The following TCEANC2 variants were observed in gnomAD, a reference collection of about 807,000 sequenced individuals.
TCEANC2 encodes transcription elongation factor A N-terminal and central domain-containing protein 2.
A neutral mutation model predicts 22.8 loss-of-function variants in TCEANC2; 20 were observed. The observed-to-expected ratio is 0.88, with a 90% CI of 0.62 to 1.28. TCEANC2 has a LOEUF of 1.28. TCEANC2 is among the 50% of genes most tolerant of loss of function. The pLI is 0.00. For missense variants in TCEANC2, 251 were observed against 249.7 expected (o/e 1.01, Z -0.03); for synonymous variants, 84 against 95.5 (o/e 0.88, Z 0.70).
intron 3 of TCEANC2, among the ~76,000 whole-genome samples, chr1:54,081,476 C>T (rs1261651118): frequency 6.6e-6 from 1 of 152,086 alleles, no homozygotes; most frequent in Non-Finnish European, 1.5e-5. Flanking sequence ...CAAACTCCTG[C>T]ACTCAAGCGA....
intron 3 of TCEANC2, among the ~76,000 whole-genome samples, chr1:54,070,222 G>A (rs769404788): frequency 6.6e-6 from 1 of 152,136 alleles, no homozygotes; most frequent in African/African-American, 2.4e-5. Flanking sequence ...GCTGGATTTT[G>A]TCTTTATAGG....
intron 2 of TCEANC2, among the ~76,000 whole-genome samples, chr1:54,057,336 A>C (rs1569989796): frequency 1.4e-5 from 2 of 138,242 alleles, no homozygotes; most frequent in African/African-American, 2.7e-5. Flanking sequence ...ACATGCCACC[A>C]CACCTGGCTA....
chr1:54,079,920 G>A (rs886625313), intron 3 of TCEANC2, among the ~76,000 whole-genome samples: 1 of 151,932 alleles, frequency 6.6e-6, no homozygotes. Context: ...TTGAGTTATC[G>A]TTATTATTAT....
chr1:54,079,136 A>T (rs1364850870), intron 3 of TCEANC2, among the ~76,000 whole-genome samples: 2 of 152,100 alleles, frequency 1.3e-5, no homozygotes, highest in Non-Finnish European at 2.9e-5. Context: ...ATATATGAAT[A>T]TTCTGGGAAA....
rs1658651819 is a variant in TCEANC2, at chr1:54,100,871, CAG to C, written c.*4400_*4401del. On this transcript the variant is annotated 3_prime_UTR_variant, in exon 5 of 5. Transcript: ENST00000234827. ...AAGATTTAAAAAACAAAAACAAAAA[CAG>C]ATATTTTAAGAAAATTTTAAACATT... 6.6e-6 allele frequency: 1 copy of C among 151,572 alleles called. No individual in the cohort carries two copies. Among genetic ancestry groups the C allele is most frequent in the East Asian group, 1.9e-4 (1 of 5,196 alleles). The allele number at this position is 151,572 out of a possible 1,614,324, so 9.4% of individuals were successfully genotyped here. A position where few individuals can be genotyped will look rare whatever the true frequency, so the allele number is the denominator to read the frequency against.
At chr1:54,093,432 T>G (rs1658485667) in intron 4 of TCEANC2, among the ~76,000 whole-genome samples, 1 of 152,224 alleles carries the variant, frequency 6.6e-6, no homozygotes, top group South Asian at 2.1e-4. Flanking sequence ...AATCATTTTC[T>G]ATTATGATTT....
At chr1:54,079,920 GTTATTA>G (rs1024686496) in intron 3 of TCEANC2, among the ~76,000 whole-genome samples, 2 of 151,932 alleles carry the variant, frequency 1.3e-5, no homozygotes, top group African/African-American at 4.8e-5. Flanking sequence ...TTGAGTTATC[GTTATTA>G]TTATTATTTT....
chr1:54,064,978 G>A (rs1657923332), intron 2 of TCEANC2, among the ~76,000 whole-genome samples: 1 of 152,186 alleles, frequency 6.6e-6, no homozygotes, highest in Non-Finnish European at 1.5e-5. Context: ...GGGATTACAG[G>A]TGTGAGCCAC....
Position 54,103,022 on chromosome 1 carries a change from A to G in TCEANC2, c.*6549A>G, listed in dbSNP as rs1429284652. On this transcript the variant is annotated 3_prime_UTR_variant, in exon 5 of 5. Coordinates refer to ENST00000234827, the MANE Select transcript of TCEANC2 (RefSeq NM_153035.3). ...GAATAAGATTGGAAAATTGGAAACA[A>G]GGAGACCTGTGGTGGAGGCATGTAG... The G allele has an allele frequency of 6.6e-6, 1 of 152,456 alleles. No homozygotes were observed. Among genetic ancestry groups the G allele is most frequent in the Non-Finnish European group, 1.5e-5 (1 of 68,180 alleles). The allele number at this position is 152,456 out of a possible 1,614,324, so 9.4% of individuals were successfully genotyped here. A position where few individuals can be genotyped will look rare whatever the true frequency, so the allele number is the denominator to read the frequency against.
Position 54,096,293 on chromosome 1 carries a change from C to G in TCEANC2, c.447C>G (p.His149Gln), listed in dbSNP as rs771158515. Reference sequence around the variant, plus strand: ...ATTTTGCTGTTTTTTAGATGGATCACCTACTGGTTGAAAATATTGAACGGG... The same window carrying G: ...ATTTTGCTGTTTTTTAGATGGATCAGCTACTGGTTGAAAATATTGAACGGG... ...LSEALELKMDHLLVENIERET... is the reference protein window; with the variant it reads ...LSEALELKMDQLLVENIERET... Residue 149 changes from histidine to glutamine, a missense_variant, in exon 5 of 5, where the codon CAC (histidine) becomes CAG (glutamine). His to Gln is a conservative substitution (Grantham distance 24). Transcript: ENST00000234827. The surrounding 1 kb of genome is among the most constrained non-coding windows in gnomAD (Gnocchi z 4.9). 1.9e-6 allele frequency: 3 copies of G among 1,593,996 alleles called. No homozygotes were observed. The highest frequency in any genetic ancestry group is 2.6e-6 in the Non-Finnish European group (3 of 1,163,258).
At chr1:54,056,189 T>C (rs1440143172) in intron 2 of TCEANC2, among the ~76,000 whole-genome samples, 1 of 152,158 alleles carries the variant, frequency 6.6e-6, no homozygotes, top group Non-Finnish European at 1.5e-5. Flanking sequence ...TAATTGTACA[T>C]AGCAATGATT....
chr1:54,096,414 G>A lies in TCEANC2; in HGVS notation c.568G>A (p.Ala190Thr). 1.2e-6 allele frequency: 2 copies of A among 1,613,484 alleles called. No homozygotes were observed. Among genetic ancestry groups the A allele is most frequent in the Non-Finnish European group, 8.5e-7 (1 of 1,179,392 alleles). Reference protein sequence around the residue: ...FTLKHRAEIRAQVKSGSLPVG... With the variant: ...FTLKHRAEIRTQVKSGSLPVG... ...ATTAAAGCACCGAGCTGAAATCCGG[G>A]CTCAGGTGAAGAGCGGCTCGCTGCC... The change falls in exon 5 of 5, where the codon GCT becomes ACT. Residue 190 changes from alanine to threonine, a missense_variant. By Grantham distance (58) the Ala-to-Thr change is moderately conservative. Coordinates refer to ENST00000234827, the MANE Select transcript of TCEANC2 (RefSeq NM_153035.3). The surrounding 1 kb of genome is among the most constrained non-coding windows in gnomAD (Gnocchi z 4.9).
rs1280789517 is a variant in TCEANC2, at chr1:54,096,864, C to T, written c.*391C>T. The T allele has an allele frequency of 3.0e-6, 3 of 992,458 alleles. No individual in the cohort carries two copies. Among genetic ancestry groups the T allele is most frequent in the African/African-American group, 3.5e-5 (2 of 57,490 alleles). The allele number at this position is 992,458 out of a possible 1,614,324, so 61.5% of individuals were successfully genotyped here. On this transcript the variant is annotated 3_prime_UTR_variant, in exon 5 of 5. Transcript: ENST00000234827. This position sits in a 1 kb window ranked among gnomAD's most constrained non-coding sequence, Gnocchi z 4.9. ...CTGCAGGTAACTGAAACTCAATTACCGCTGCCGCTCACTCGGTTCCATCCC... is the reference window on the plus strand; with the variant it reads ...CTGCAGGTAACTGAAACTCAATTACTGCTGCCGCTCACTCGGTTCCATCCC...
Position 54,104,257 on chromosome 1 carries a change from G to A in TCEANC2, c.*7784G>A, listed in dbSNP as rs1255820296. 5.7e-6 allele frequency: 1 copy of A among 174,726 alleles called. No individual in the cohort carries two copies. Among genetic ancestry groups the A allele is most frequent in the Non-Finnish European group, 1.2e-5 (1 of 80,802 alleles). The allele number at this position is 174,726 out of a possible 1,614,324, so 10.8% of individuals were successfully genotyped here. On this transcript the variant is annotated 3_prime_UTR_variant, in exon 5 of 5. Transcript: ENST00000234827. Reference sequence around the variant, plus strand: ...ACTTGGAGTGCCTCCTGTTCTCATAGTTCTGGGCTCTGCAGGTTTAGAGGT... The same window carrying A: ...ACTTGGAGTGCCTCCTGTTCTCATAATTCTGGGCTCTGCAGGTTTAGAGGT...
intron 3 of TCEANC2, among the ~76,000 whole-genome samples, chr1:54,081,414 T>C (rs2100374202): frequency 6.6e-6 from 1 of 152,212 alleles, no homozygotes; most frequent in South Asian, 2.1e-4. Flanking sequence ...TTTATTTATT[T>C]ATTTAAATTT....
Position 54,058,455 on chromosome 1 carries a change from T to C in TCEANC2, c.102+3931T>C, listed in dbSNP as rs1657792696. On this transcript the variant is annotated intron_variant, in intron 2 of 4. Transcript: ENST00000234827. ...CTTGAAAGACTATGTCTCATTGATT[T>C]TGTGTCACTGGTTCCTGGCACAGGA... Among the ~76,000 whole-genome samples the C allele has an allele frequency of 2.0e-5, 3 of 152,194 alleles. No homozygotes were observed. In the South Asian group the frequency reaches 6.2e-4, roughly 31 times the overall value.
chr1:54,091,998 C>A (rs1658455436), intron 4 of TCEANC2, among the ~76,000 whole-genome samples: 1 of 152,194 alleles, frequency 6.6e-6, no homozygotes, highest in South Asian at 2.1e-4. Flanking sequence ...GGGTACGTCC[C>A]CATATGGGAC....
intron 3 of TCEANC2, among the ~76,000 whole-genome samples, chr1:54,076,530 T>C (rs1037648450): frequency 1.3e-5 from 2 of 152,234 alleles, no homozygotes; most frequent in African/African-American, 4.8e-5. Context: ...ATTGATTCCA[T>C]GTCTTTGCTA....
downstream of TCEANC2, among the ~76,000 whole-genome samples, chr1:54,110,021 GA>G (rs1658816023): frequency 6.6e-6 from 1 of 152,188 alleles, no homozygotes. Flanking sequence ...TCAAATAGGG[GA>G]GGCTGTGTGT....
Sources: gnomAD v4.1 joint callset for allele counts (sites outside exome capture counted in the v4.1 genomes callset) on GRCh38, gnomAD v4.1.1 for gene constraint, Gnocchi (gnomAD v3.1) non-coding constraint, MANE v1.5 for transcripts, NCBI Gene and HGNC (gene_info 2026-07-23, HGNC 2026-07-21) for gene names.